SORCS3: variants seen among roughly 807,000 people sequenced by gnomAD.
SORCS3 encodes sortilin related VPS10 domain containing receptor 3.
SORCS3 carries 57 observed loss-of-function variants against 146.3 expected under a neutral mutation model. The observed-to-expected ratio is 0.39, with a 90% CI of 0.31 to 0.49. SORCS3 has a LOEUF of 0.49. SORCS3 is among the 20% of genes least tolerant of loss of function. The pLI, the probability that SORCS3 is intolerant of heterozygous loss-of-function variation, is 0.92. For synonymous variants in SORCS3, 653 were observed against 618.5 expected (o/e 1.06, Z -0.83); for missense variants, 1,341 against 1,575.5 (o/e 0.85, Z 2.52).
At chr10:104,934,480 C>T (rs201111684) in intron 3 of SORCS3, among the ~76,000 whole-genome samples, 1 of 152,112 alleles carries the variant, frequency 6.6e-6, no homozygotes, top group Non-Finnish European at 1.5e-5. Context: ...GCTTAACACA[C>T]AGCCTGGGCA....
chr10:104,892,973 T>C (rs976012963), intron 2 of SORCS3, among the ~76,000 whole-genome samples: 2 of 152,182 alleles, frequency 1.3e-5, no homozygotes, highest in African/African-American at 4.8e-5. Flanking sequence ...CAAAGCTCTT[T>C]ATTTAACTCT....
At chr10:104,782,432 T>C (rs1218433192) in intron 1 of SORCS3, among the ~76,000 whole-genome samples, 1 of 152,128 alleles carries the variant, frequency 6.6e-6, no homozygotes, top group Non-Finnish European at 1.5e-5. Flanking sequence ...GAGCATCCTG[T>C]CACTGGAACC....
intron 4 of SORCS3, among the ~76,000 whole-genome samples, chr10:105,034,120 G>A (rs2055289259): frequency 6.6e-6 from 1 of 152,108 alleles, no homozygotes; most frequent in Non-Finnish European, 1.5e-5. Context: ...ATGCTTTGAT[G>A]AATGTTGTGG....
intron 20 of SORCS3, among the ~76,000 whole-genome samples, chr10:105,236,628 A>G (rs1487323384): frequency 3.3e-5 from 5 of 152,166 alleles, no homozygotes; most frequent in Non-Finnish European, 7.4e-5. Flanking sequence ...TGAGGAATGG[A>G]AGACACAATG....
chr10:104,881,298 G>C lies in SORCS3; in HGVS notation c.696-34535G>C, dbSNP rs184211185. Among the ~76,000 whole-genome samples, 3 of 152,266 alleles carry C rather than the reference G, an allele frequency of 2.0e-5. No homozygotes were observed. In the East Asian group the frequency reaches 5.8e-4, roughly 29 times the overall value. On this transcript the variant is annotated intron_variant, in intron 2 of 26. Coordinates refer to ENST00000369701, the MANE Select transcript of SORCS3 (RefSeq NM_014978.3). ...GAAATATTTCTACTGATCAATGACT[G>C]TAGCTTCGTGGTGTGCAATTGTCCT...
chr10:105,062,513 G>A (rs897263704), intron 5 of SORCS3, among the ~76,000 whole-genome samples: 2 of 152,158 alleles, frequency 1.3e-5, no homozygotes, highest in Non-Finnish European at 2.9e-5. Flanking sequence ...TGGTGTTTGT[G>A]GGAGGGTAGA....
rs966427679 is a variant in SORCS3, at chr10:104,830,692, A to G, written c.628-12100A>G. Among the ~76,000 whole-genome samples, 5 of 152,222 alleles carry G rather than the reference A, an allele frequency of 3.3e-5. 1 individual carries two copies. Among genetic ancestry groups the G allele is most frequent in the Non-Finnish European group, 7.3e-5 (5 of 68,034 alleles). On this transcript the variant is annotated intron_variant, in intron 1 of 26. Coordinates refer to ENST00000369701, the MANE Select transcript of SORCS3 (RefSeq NM_014978.3). ...GCAGAGCCCTGGTTACCTGCCATAC[A>G]TAGGCAGGATTGTGGGGTGAGAGTA...
chr10:105,061,804 A>T (rs1033304149), intron 5 of SORCS3, among the ~76,000 whole-genome samples: 1 of 152,088 alleles, frequency 6.6e-6, no homozygotes, highest in African/African-American at 2.4e-5. Context: ...TGTAGCTGGG[A>T]TGGCCCTTCA....
intron 1 of SORCS3, among the ~76,000 whole-genome samples, chr10:104,728,675 TC>T (rs754167100): frequency 6.6e-6 from 1 of 152,164 alleles, no homozygotes; most frequent in Non-Finnish European, 1.5e-5. Flanking sequence ...AAGGATAATT[TC>T]TGTGATGGGG....
In SORCS3 at chr10:104,698,615, G is replaced by A. The variant is rs527716127; in HGVS notation, c.627+56661G>A. 3.3e-5 allele frequency among the ~76,000 whole-genome samples: 5 copies of A among 152,212 alleles called. No individual in the cohort carries two copies. The South Asian group carries it at 1.0e-3, about 32-fold the overall frequency. On this transcript the variant is annotated intron_variant, in intron 1 of 26. Coordinates refer to ENST00000369701, the MANE Select transcript of SORCS3 (RefSeq NM_014978.3). The stretch of plus-strand genomic sequence containing the variant: ...ACAAATTAAATAAAAAGTTATTTTG[G>A]AAGAAAGACGGATGATGTCATTCAT...
At chr10:104,988,339 A>G (rs2054974214) in intron 4 of SORCS3, among the ~76,000 whole-genome samples, 1 of 152,162 alleles carries the variant, frequency 6.6e-6, no homozygotes, top group African/African-American at 2.4e-5. Flanking sequence ...CCATGTGGAA[A>G]CCAAACCTTC....
intron 1 of SORCS3, among the ~76,000 whole-genome samples, chr10:104,749,214 T>C (rs945270228): frequency 4.6e-5 from 7 of 150,564 alleles, no homozygotes; most frequent in Non-Finnish European, 7.4e-5. Context: ...CCTTGTTCTG[T>C]GCAAAGTATA....
intron 1 of SORCS3, among the ~76,000 whole-genome samples, chr10:104,777,646 C>T (rs768079477): frequency 6.6e-6 from 1 of 152,234 alleles, no homozygotes; most frequent in African/African-American, 2.4e-5. Flanking sequence ...GATGCTGCTG[C>T]ACATCCTGCA....
intron 5 of SORCS3, among the ~76,000 whole-genome samples, chr10:105,067,352 C>A (rs953328857): frequency 6.6e-6 from 1 of 152,174 alleles, no homozygotes; most frequent in Non-Finnish European, 1.5e-5. Context: ...TATGGTGAAA[C>A]CCCATGTCTA....
At chr10:104,956,755 G>A (rs372713417) in intron 3 of SORCS3, among the ~76,000 whole-genome samples, 10 of 152,170 alleles carry the variant, frequency 6.6e-5, no homozygotes, top group East Asian at 5.8e-4. Flanking sequence ...ATAAATGAAT[G>A]TGAGGGAATG....
intron 1 of SORCS3, among the ~76,000 whole-genome samples, chr10:104,835,390 G>T (rs1023657741): frequency 6.6e-6 from 1 of 152,206 alleles, no homozygotes; most frequent in Admixed American, 6.5e-5. Context: ...TCAGGTCTAG[G>T]CAGGAGTGAG....
intron 20 of SORCS3, among the ~76,000 whole-genome samples, chr10:105,235,598 T>C (rs1026760625): frequency 1.3e-5 from 2 of 151,982 alleles, no homozygotes; most frequent in Admixed American, 6.6e-5. Flanking sequence ...ATGCTGGATA[T>C]CTAAAGAGAA....
chr10:105,003,193 G>A (rs752170259), intron 4 of SORCS3, among the ~76,000 whole-genome samples: 3 of 152,144 alleles, frequency 2.0e-5, no homozygotes, highest in Non-Finnish European at 4.4e-5. Context: ...ATATCTGCCT[G>A]GCATGGAGTG....
rs528091343 is a variant in SORCS3, at chr10:104,880,657, C to G, written c.696-35176C>G. ...GCCAATGCCTCCAGCAGGCCCTCCC[C>G]CGTCTGCTGGAGAAAGGAAACATTC... On this transcript the variant is annotated intron_variant, in intron 2 of 26. Coordinates refer to ENST00000369701, the MANE Select transcript of SORCS3 (RefSeq NM_014978.3). 2.0e-5 allele frequency among the ~76,000 whole-genome samples: 3 copies of G among 152,306 alleles called. No individual in the cohort carries two copies. In the East Asian group the frequency reaches 5.8e-4, roughly 29 times the overall value.
Sources: gnomAD v4.1 joint callset for allele counts (sites outside exome capture counted in the v4.1 genomes callset) on GRCh38, gnomAD v4.1.1 for gene constraint, MANE v1.5 for transcripts, NCBI Gene and HGNC (gene_info 2026-07-23, HGNC 2026-07-21) for gene names.